DSG4: variants seen among roughly 807,000 people sequenced by gnomAD.
DSG4 encodes the protein desmoglein 4.
A neutral mutation model predicts 93.1 loss-of-function variants in DSG4; 87 were observed. The ratio of observed to expected loss-of-function variants is 0.93; its 90% confidence interval spans 0.79 to 1.12. The LOEUF (loss-of-function observed/expected upper bound fraction) is 1.12, where lower values mean the gene tolerates loss of function less well. DSG4 is among the 50% of genes most tolerant of loss of function. The pLI is 0.00. For missense variants in DSG4, 1,373 were observed against 1,285.7 expected, an observed-to-expected ratio of 1.07 and a Z score of -1.04; for synonymous variants, 432 against 452.9, an observed-to-expected ratio of 0.95 and a Z score of 0.59.
rs778420550 is a variant in DSG4 at position 31,406,371 on chromosome 18, T to C, written c.1931T>C (p.Ile644Thr). 1 of 1,614,148 alleles carries C rather than the reference T, an allele frequency of 6.2e-7. No homozygotes were observed. The highest frequency in any genetic ancestry group is 1.1e-5 in the South Asian group (1 of 91,084). The change falls in exon 12 of 16, where the codon ATT (isoleucine) becomes ACT (threonine). Residue 644 changes from isoleucine (I) to threonine (T), a missense_variant and splice_region_variant. Ile to Thr is a moderately conservative substitution (Grantham distance 89). Coordinates refer to ENST00000308128, the MANE Select transcript of DSG4 (RefSeq NM_177986.5). Reference sequence around the variant, plus strand: ...ATGGTTCTGGGCATCCTGCTACTGATTTGTAAGTACTCAATTAAATCCTTC... The same window carrying C: ...ATGGTTCTGGGCATCCTGCTACTGACTTGTAAGTACTCAATTAAATCCTTC... ...GMMVLGILLLILAPLLLLLCC... is the reference protein window; with the variant it reads ...GMMVLGILLLTLAPLLLLLCC...
chr18:31,377,830 T>C (rs764538284), intron 1 of DSG4, among the ~76,000 whole-genome samples: 1 of 152,218 alleles, frequency 6.6e-6, no homozygotes, highest in Non-Finnish European at 1.5e-5. Flanking sequence ...GCATTATAGT[T>C]GGCCACACTT....
chr18:31,387,549 C>G (rs2072201186), intron 3 of DSG4, among the ~76,000 whole-genome samples: 1 of 152,118 alleles, frequency 6.6e-6, no homozygotes, highest in Admixed American at 6.6e-5. Flanking sequence ...CCATTCAACT[C>G]AGTAATTGCT....
At position 31,399,187 on chromosome 18, in the gene DSG4, G is replaced by C. The variant is rs979394777; in HGVS notation, c.1006-85G>C. 7 of 1,558,082 alleles carry C rather than the reference G, an allele frequency of 4.5e-6. No individual in the cohort carries two copies. The African/African-American group carries it at 8.2e-5, about 18-fold the overall frequency. On this transcript the variant is annotated intron_variant, in intron 8 of 15. Transcript: ENST00000308128. ...CGTATCTCCTGGACCTTATTCTAGT[G>C]TGTGGTTTGCTTTACCATGGCTTCT...
chr18:31,402,515 A>C (rs1036745884), intron 10 of DSG4, among the ~76,000 whole-genome samples: 3 of 152,206 alleles, frequency 2.0e-5, no homozygotes, highest in Admixed American at 2.0e-4. Flanking sequence ...ATACAAAATC[A>C]TATAGACTAT....
Position 31,401,011 on chromosome 18 carries a change from G to T in DSG4, c.1408G>T (p.Ala470Ser), listed in dbSNP as rs775262721. 1.3e-6 allele frequency: 2 copies of T among 1,596,916 alleles called. No homozygotes were observed. Reference sequence around the variant, plus strand: ...TGGGATATACACAGCAGAGATCCTGGCTATAGATGGTAAGAAAATTTATTT... The same window carrying T: ...TGGGATATACACAGCAGAGATCCTGTCTATAGATGGTAAGAAAATTTATTT... Reference protein sequence around the residue: ...INGIYTAEILAIDDGSGKTAT... With the variant: ...INGIYTAEILSIDDGSGKTAT... The change falls in exon 10 of 16, where the codon GCT (alanine) becomes TCT (serine). Residue 470 changes from alanine to serine, a missense_variant. By Grantham distance (99) the Ala-to-Ser change is moderately conservative. Transcript: ENST00000308128.
At chr18:31,392,081 T>C (rs1005805879) in intron 7 of DSG4, 74 bp from the exon 8 acceptor site, 6 of 1,403,522 alleles carry the variant, frequency 4.3e-6, no homozygotes, top group Non-Finnish European at 6.0e-6. Context: ...GTATTTTAAA[T>C]AATAATAATG....
chr18:31,402,286 A>G (rs2072376417), intron 10 of DSG4, among the ~76,000 whole-genome samples: 1 of 152,242 alleles, frequency 6.6e-6, no homozygotes, highest in African/African-American at 2.4e-5. Flanking sequence ...ACAGACCTCT[A>G]TGCAGAGCAA....
intron 8 of DSG4, among the ~76,000 whole-genome samples, chr18:31,392,575 T>C (rs2072261759): frequency 6.6e-6 from 1 of 152,202 alleles, no homozygotes; most frequent in Non-Finnish European, 1.5e-5. Flanking sequence ...GTCCAATATC[T>C]AGTTGTGAAG....
intron 7 of DSG4, 107 bp from the exon 8 acceptor site, chr18:31,392,048 A>G: frequency 9.3e-7 from 1 of 1,076,436 alleles, no homozygotes; most frequent in Non-Finnish European, 1.4e-6. Context: ...TGGTGCAAAA[A>G]TCATCGACAT....
intron 1 of DSG4, among the ~76,000 whole-genome samples, chr18:31,380,100 G>A (rs2072118351): frequency 6.6e-6 from 1 of 152,028 alleles, no homozygotes; most frequent in Admixed American, 6.6e-5. Context: ...TCCATGGGGA[G>A]AACCTCATAT....
At chr18:31,394,276 T>A (rs1445839321) in intron 8 of DSG4, among the ~76,000 whole-genome samples, 1 of 152,152 alleles carries the variant, frequency 6.6e-6, no homozygotes, top group Non-Finnish European at 1.5e-5. Flanking sequence ...TGGGATATTT[T>A]CTAAAATAAC....
At chr18:31,377,970 A>G (rs2072094876) in intron 1 of DSG4, among the ~76,000 whole-genome samples, 1 of 152,184 alleles carries the variant, frequency 6.6e-6, no homozygotes, top group Non-Finnish European at 1.5e-5. Context: ...GAGAGTAGCT[A>G]GGGCTGGGAG....
Position 31,399,529 on chromosome 18 carries a change from TG to T in DSG4, c.1264del (p.Ala422GlnfsTer8). The T allele has an allele frequency of 6.2e-7, 1 of 1,613,990 alleles. No homozygotes were observed. The highest frequency in any genetic ancestry group is 8.5e-7 in the Non-Finnish European group (1 of 1,179,900). On this transcript the variant is annotated frameshift_variant, in exon 9 of 16. Transcript: ENST00000308128. LOFTEE classifies it high-confidence loss of function. ...CCATAGATTTGGACACAGGAAACCC[TG>T]CAACAGATGTCAGGTACTGCAACTA... ...TAIDLDTGNPATDVRYIIGHD... is the reference protein window; with the variant it reads ...TAIDLDTGNPXTDVRYIIGHD...
intron 9 of DSG4, 126 bp from the exon 10 acceptor site, chr18:31,400,755 C>T: frequency 1.1e-6 from 1 of 921,174 alleles, no homozygotes; most frequent in Non-Finnish European, 1.7e-6. Context: ...TTTTATAAAC[C>T]AAGGCAATCA....
intron 2 of DSG4, 56 bp from the exon 3 acceptor site, chr18:31,386,632 C>T: frequency 4.4e-6 from 7 of 1,606,552 alleles, no homozygotes; most frequent in Non-Finnish European, 6.0e-6. Context: ...AATAAATGTC[C>T]TTTCTAAGTA....
At chr18:31,401,459 G>A (rs2072365416) in intron 10 of DSG4, 1 of 153,870 alleles carries the variant, frequency 6.5e-6, no homozygotes, top group Non-Finnish European at 1.4e-5. Context: ...ACAGTGAGAA[G>A]CTTGTGTGAG....
chr18:31,405,413 G>C (rs10163755), intron 11 of DSG4, among the ~76,000 whole-genome samples: 1 of 151,948 alleles, frequency 6.6e-6, no homozygotes, highest in Non-Finnish European at 1.5e-5. Context: ...TTTTCTTTCA[G>C]CTCAATATTA....
rs771430126 is a variant in DSG4 at position 31,399,424 on chromosome 18, T to A, written c.1158T>A (p.His386Gln). The change falls in exon 9 of 16, where the codon CAT becomes CAA. Residue 386 changes from histidine to glutamine, a missense_variant. By Grantham distance (24) the His-to-Gln change is conservative (BLOSUM62 0). Coordinates refer to ENST00000308128, the MANE Select transcript of DSG4 (RefSeq NM_177986.5). The stretch of plus-strand genomic sequence containing the variant: ...ATGTGAGAGAAGGACCTGCATTTCA[T>A]CCAAGTACTATGGCTTTTAGTGTGC... ...VVDVREGPAF[H>Q]PSTMAFSVRE... The A allele has an allele frequency of 1.1e-5, 17 of 1,613,980 alleles. No homozygotes were observed. Among genetic ancestry groups the A allele is most frequent in the African/African-American group, 1.3e-5 (1 of 74,928 alleles).
chr18:31,381,360 TC>T (rs1382430047), intron 1 of DSG4, among the ~76,000 whole-genome samples: 3 of 151,668 alleles, frequency 2.0e-5, no homozygotes, highest in Non-Finnish European at 4.4e-5. Flanking sequence ...TACAAAAGTC[TC>T]GAAAGGTAAA....
Sources: gnomAD v4.1 joint callset for allele counts (sites outside exome capture counted in the v4.1 genomes callset) on GRCh38, gnomAD v4.1.1 for gene constraint, MANE v1.5 for transcripts, NCBI Gene and HGNC (gene_info 2026-07-23, HGNC 2026-07-21) for gene names.